The following LHFPL3 variants were observed in gnomAD, a reference collection of about 807,000 sequenced individuals.
LHFPL3 encodes the protein LHFPL tetraspan subfamily member 3 protein.
In LHFPL3, 5 loss-of-function variants were observed where a neutral mutation model predicts 19.3. The ratio of observed to expected loss-of-function variants is 0.26; its 90% CI spans 0.14 to 0.54. The LOEUF (loss-of-function observed/expected upper bound fraction) is 0.54. Ranked by LOEUF, LHFPL3 falls within the 20% of genes least tolerant of loss-of-function variation. LHFPL3 has a pLI of 0.94. For synonymous variants in LHFPL3, 133 were observed against 126.2 expected (o/e 1.05, Z -0.36); for missense variants, 249 against 307.4 (o/e 0.81, Z 1.42).
chr7:104,513,040 T>C (rs1457827225), intron 1 of LHFPL3, among the ~76,000 whole-genome samples: 4 of 152,182 alleles, frequency 2.6e-5, no homozygotes, highest in Non-Finnish European at 5.9e-5. Flanking sequence ...CAAAACTTGT[T>C]TCCTCTAACT....
At chr7:104,615,132 G>A (rs997118580) in intron 1 of LHFPL3, among the ~76,000 whole-genome samples, 1 of 152,042 alleles carries the variant, frequency 6.6e-6, no homozygotes, top group Non-Finnish European at 1.5e-5. Flanking sequence ...TACACAAAAT[G>A]TAGAAAATAT....
In LHFPL3 at chr7:104,462,151, A is replaced by G. The variant is rs983903504; in HGVS notation, c.445+132927A>G. On this transcript the variant is annotated intron_variant, in intron 1 of 2. Transcript: ENST00000424859. ...CTGAAAGAGCTTTTAAGCCAAGACT[A>G]TGGGGTTTTCTACATATAGAATCAT... Among the ~76,000 whole-genome samples, 5 of 152,198 alleles carry G rather than the reference A, an allele frequency of 3.3e-5. No homozygotes were observed. In the East Asian group the frequency reaches 5.8e-4, roughly 18 times the overall value.
intron 1 of LHFPL3, among the ~76,000 whole-genome samples, chr7:104,409,634 A>G (rs970837262): frequency 3.9e-5 from 6 of 152,184 alleles, no homozygotes; most frequent in Non-Finnish European, 2.9e-5. Flanking sequence ...AAGTAAATAA[A>G]TAAAAGAAAA....
chr7:104,890,934 C>G (rs1435122713), intron 2 of LHFPL3, among the ~76,000 whole-genome samples: 1 of 152,136 alleles, frequency 6.6e-6, no homozygotes, highest in Non-Finnish European at 1.5e-5. Flanking sequence ...TCCCCAGCCT[C>G]GTGCCTGCAA....
intron 1 of LHFPL3, among the ~76,000 whole-genome samples, chr7:104,443,011 T>A (rs919577690): frequency 1.2e-4 from 18 of 152,304 alleles, no homozygotes; most frequent in South Asian, 8.3e-4. Context: ...AAACACTGGA[T>A]CCTCTCATTG....
rs139474421 is a variant in LHFPL3, at chr7:104,373,911, GGCAAAA to G, written c.445+44688_445+44693del. On this transcript the variant is annotated intron_variant, in intron 1 of 2. Transcript: ENST00000424859. ...GCTTTGCAGGATCATTTCAAGATAT[GGCAAAA>G]ACAAAAACAAAAAAACATGTTTTGG... Among the ~76,000 whole-genome samples, 1,029 of 151,298 alleles carry G rather than the reference GGCAAAA, an allele frequency of 6.8e-3. 6 individuals are homozygous for G. The highest frequency in any genetic ancestry group is 0.011 in the Non-Finnish European group (725 of 67,962).
At chr7:104,481,706 G>A (rs1467620011) in intron 1 of LHFPL3, among the ~76,000 whole-genome samples, 1 of 152,024 alleles carries the variant, frequency 6.6e-6, no homozygotes, top group Non-Finnish European at 1.5e-5. Flanking sequence ...CAGATTTCAG[G>A]CTAGATAGTC....
chr7:104,766,163 G>C lies in LHFPL3; in HGVS notation c.682+29252G>C, dbSNP rs920439355. ...TCTGTGGATGGTAATGTCGAGCTTT[G>C]TTGGTATCTTGGCTTTCTAGAGAAC... On this transcript the variant is annotated intron_variant, in intron 2 of 2. Coordinates refer to ENST00000424859, the MANE Select transcript of LHFPL3 (RefSeq NM_199000.3). Among the ~76,000 whole-genome samples, 5 of 152,322 alleles carry C rather than the reference G, an allele frequency of 3.3e-5. No homozygotes were observed. In the East Asian group the frequency reaches 9.6e-4, roughly 29 times the overall value.
At chr7:104,825,416 G>A (rs1033407366) in intron 2 of LHFPL3, among the ~76,000 whole-genome samples, 1 of 151,830 alleles carries the variant, frequency 6.6e-6, no homozygotes, top group Non-Finnish European at 1.5e-5. Context: ...TCAAATCTTA[G>A]CTCTGTTACC....
chr7:104,412,789 A>G (rs1791556247), intron 1 of LHFPL3, among the ~76,000 whole-genome samples: 1 of 152,096 alleles, frequency 6.6e-6, no homozygotes, highest in South Asian at 2.1e-4. Flanking sequence ...TATCTCACAG[A>G]TCGTTGAGAT....
intron 1 of LHFPL3, among the ~76,000 whole-genome samples, chr7:104,330,579 TTG>T (rs1034903814): frequency 2.6e-5 from 4 of 152,160 alleles, no homozygotes; most frequent in Non-Finnish European, 5.9e-5. Context: ...AGTATTTATT[TTG>T]TGTTTTGGCT....
chr7:104,861,842 G>A (rs930036009), intron 2 of LHFPL3, among the ~76,000 whole-genome samples: 6 of 152,142 alleles, frequency 3.9e-5, no homozygotes, highest in African/African-American at 1.4e-4. Context: ...GGCAAGCTTT[G>A]GATTGGCAGA....
chr7:104,650,554 A>C (rs1304602684), intron 1 of LHFPL3, among the ~76,000 whole-genome samples: 1 of 152,270 alleles, frequency 6.6e-6, no homozygotes, highest in Non-Finnish European at 1.5e-5. Context: ...AAATTAAATT[A>C]TTCCATTCAG....
chr7:104,873,519 T>A (rs368955889), intron 2 of LHFPL3, among the ~76,000 whole-genome samples: 2 of 151,686 alleles, frequency 1.3e-5, no homozygotes, highest in Non-Finnish European at 1.5e-5. Flanking sequence ...TCCTAGCTAC[T>A]TGGGAGGCTG....
intron 1 of LHFPL3, among the ~76,000 whole-genome samples, chr7:104,513,187 T>C (rs1352137024): frequency 6.6e-6 from 1 of 152,224 alleles, no homozygotes; most frequent in African/African-American, 2.4e-5. Context: ...TATATTACAG[T>C]TATAAGAAGA....
intron 2 of LHFPL3, among the ~76,000 whole-genome samples, chr7:104,791,204 T>C (rs908346833): frequency 5.9e-5 from 9 of 152,206 alleles, no homozygotes; most frequent in African/African-American, 2.2e-4. Context: ...TGTCACTGGC[T>C]CAGACTTCCT....
At chr7:104,857,229 A>G (rs779926387) in intron 2 of LHFPL3, among the ~76,000 whole-genome samples, 9 of 146,522 alleles carry the variant, frequency 6.1e-5, no homozygotes, top group Non-Finnish European at 1.2e-4. Context: ...CTTTTTATTC[A>G]CCGCTACCAC....
intron 2 of LHFPL3, among the ~76,000 whole-genome samples, chr7:104,828,879 AC>A (rs1223163838): frequency 6.6e-6 from 1 of 151,832 alleles, no homozygotes; most frequent in Non-Finnish European, 1.5e-5. Flanking sequence ...CACTAAAAAT[AC>A]AAAAATTAGC....
chr7:104,496,605 A>G (rs1793487152), intron 1 of LHFPL3, among the ~76,000 whole-genome samples: 1 of 152,086 alleles, frequency 6.6e-6, no homozygotes, highest in Non-Finnish European at 1.5e-5. Flanking sequence ...AAGTGTTCCT[A>G]TTTCTCCACA....
Sources: gnomAD v4.1 joint callset for allele counts (sites outside exome capture counted in the v4.1 genomes callset) on GRCh38, gnomAD v4.1.1 for gene constraint, MANE v1.5 for transcripts, NCBI Gene and HGNC (gene_info 2026-07-23, HGNC 2026-07-21) for gene names.